POU6F2: variants seen among roughly 807,000 people sequenced by gnomAD.
POU6F2 encodes the protein POU domain, class 6, transcription factor 2.
Under a neutral mutation model 71.3 loss-of-function variants are expected in POU6F2, and 31 were observed. The observed-to-expected ratio is 0.43, with a 90% CI of 0.33 to 0.59. The LOEUF (loss-of-function observed/expected upper bound fraction) is 0.59. Ranked by LOEUF, POU6F2 falls within the 20% of genes least tolerant of loss-of-function variation. The probability of loss-of-function intolerance (pLI) is 0.04; values close to 1 mark genes in which losing one functional copy is unlikely to be tolerated. For synonymous variants in POU6F2, 347 were observed against 355.7 expected, an observed-to-expected ratio of 0.98 and a Z score of 0.27; for missense variants, 783 against 856.8, an observed-to-expected ratio of 0.91 and a Z score of 1.07.
chr7:39,398,032 C>T (rs79125686), intron 5 of POU6F2, among the ~76,000 whole-genome samples: 6,720 of 151,294 alleles, frequency 0.044, 339 homozygotes, highest in African/African-American at 0.12. Flanking sequence ...TGTTGAAGCA[C>T]GTATTTTTAA....
chr7:39,353,197 G>T (rs1336703011), intron 5 of POU6F2, among the ~76,000 whole-genome samples: 1 of 152,152 alleles, frequency 6.6e-6, no homozygotes, highest in Non-Finnish European at 1.5e-5. Context: ...ATGGGCTTTG[G>T]GAAGAAATCT....
chr7:39,111,109 A>T (rs1027169754), intron 2 of POU6F2, among the ~76,000 whole-genome samples: 9 of 152,154 alleles, frequency 5.9e-5, no homozygotes, highest in African/African-American at 1.2e-4. Context: ...TGTCCCCAGG[A>T]GGCTAGCTGT....
intron 4 of POU6F2, among the ~76,000 whole-genome samples, chr7:39,236,354 T>C (rs900802454): frequency 6.6e-6 from 1 of 152,218 alleles, no homozygotes; most frequent in African/African-American, 2.4e-5. Flanking sequence ...ACCTGTCATT[T>C]TTCTCTGCTT....
chr7:39,100,939 C>T (rs909290801), intron 2 of POU6F2, among the ~76,000 whole-genome samples: 1 of 152,168 alleles, frequency 6.6e-6, no homozygotes, highest in African/African-American at 2.4e-5. Context: ...CATCTTCATT[C>T]TATGGCATGA....
intron 2 of POU6F2, among the ~76,000 whole-genome samples, chr7:39,087,614 A>G (rs993050530): frequency 6.6e-6 from 1 of 152,228 alleles, no homozygotes; most frequent in Non-Finnish European, 1.5e-5. Flanking sequence ...ACAGAAAGGT[A>G]AAAGCCATGC....
chr7:39,005,153 C>A (rs1177646150), intron 1 of POU6F2: 1 of 152,292 alleles, frequency 6.6e-6, no homozygotes, highest in Non-Finnish European at 1.5e-5. Context: ...CAGGGGGCTG[C>A]AAACCTTTCC....
At chr7:39,123,291 A>T (rs1402998264) in intron 2 of POU6F2, among the ~76,000 whole-genome samples, 1 of 152,220 alleles carries the variant, frequency 6.6e-6, no homozygotes, top group African/African-American at 2.4e-5. Flanking sequence ...TATGGCAGTG[A>T]ATACACATTC....
intron 8 of POU6F2, among the ~76,000 whole-genome samples, chr7:39,452,070 G>A (rs1027764912): frequency 6.6e-6 from 1 of 152,332 alleles, no homozygotes; most frequent in East Asian, 1.9e-4. Context: ...CACTCAGCTG[G>A]CAGGTCAAGC....
chr7:39,008,442 G>C (rs1789152842), intron 1 of POU6F2, among the ~76,000 whole-genome samples: 1 of 151,294 alleles, frequency 6.6e-6, no homozygotes, highest in Non-Finnish European at 1.5e-5. Flanking sequence ...AGATGAGTAG[G>C]TTGCGAAAAT....
Position 39,326,373 on chromosome 7 carries a change from T to G in POU6F2, c.599-13269T>G, listed in dbSNP as rs1785503388. Among the ~76,000 whole-genome samples, 3 of 152,206 alleles carry G rather than the reference T, an allele frequency of 2.0e-5. No individual in the cohort carries two copies. The South Asian group carries it at 6.2e-4, about 31-fold the overall frequency. ...TCTTCACCAATCCTCTGCCAAACTC[T>G]GTAAGGAAAGAATACTACTAGTTCT... On this transcript the variant is annotated intron_variant, in intron 4 of 9. Transcript: ENST00000518318.
rs1031993161 is a variant in POU6F2, at chr7:38,998,736, C to T, written c.105+20678C>T. Among the ~76,000 whole-genome samples, 4 of 151,080 alleles carry T rather than the reference C, an allele frequency of 2.6e-5. No individual in the cohort carries two copies. The South Asian group carries it at 6.3e-4, about 24-fold the overall frequency. Reference sequence around the variant, plus strand: ...CATGATCTCGGCTCACTGCAAGCTCCGCCTCCAAGTTCAAGCAATTCTCCT... The same window carrying T: ...CATGATCTCGGCTCACTGCAAGCTCTGCCTCCAAGTTCAAGCAATTCTCCT... On this transcript the variant is annotated intron_variant, in intron 1 of 9. Transcript: ENST00000518318.
At chr7:39,127,960 A>C (rs1010378673) in intron 2 of POU6F2, among the ~76,000 whole-genome samples, 10 of 148,176 alleles carry the variant, frequency 6.7e-5, no homozygotes. Context: ...CTCCTGCCTC[A>C]GCCTCCCAAG....
intron 2 of POU6F2, among the ~76,000 whole-genome samples, chr7:39,109,942 A>G (rs1481405993): frequency 2.0e-5 from 3 of 152,154 alleles, no homozygotes; most frequent in Non-Finnish European, 4.4e-5. Context: ...GAATTTTGTG[A>G]GCTAATTGTT....
Position 39,155,731 on chromosome 7 carries a change from T to A in POU6F2, c.278-48504T>A, listed in dbSNP as rs186746435. On this transcript the variant is annotated intron_variant, in intron 2 of 9. Coordinates refer to ENST00000518318, the MANE Select transcript of POU6F2 (RefSeq NM_001370959.1). ...TATAATTTACATTATAATTCAGTGGTCTTAATTTTTGTTCCCTAAGCTTTC... is the reference window on the plus strand; with the variant it reads ...TATAATTTACATTATAATTCAGTGGACTTAATTTTTGTTCCCTAAGCTTTC... Among the ~76,000 whole-genome samples, 471 of 152,262 alleles carry A rather than the reference T, an allele frequency of 3.1e-3. 1 individual carries two copies. Among genetic ancestry groups the A allele is most frequent in the South Asian group, 4.4e-3 (21 of 4,822 alleles).
intron 2 of POU6F2, among the ~76,000 whole-genome samples, chr7:39,146,053 T>C (rs1792616455): frequency 6.6e-6 from 1 of 152,218 alleles, no homozygotes; most frequent in Non-Finnish European, 1.5e-5. Flanking sequence ...AACACTTCTC[T>C]TGCATGGAGC....
intron 4 of POU6F2, among the ~76,000 whole-genome samples, chr7:39,239,132 G>A (rs116005031): frequency 0.014 from 2,146 of 152,192 alleles, 54 homozygotes; most frequent in African/African-American, 0.048. Flanking sequence ...GGTTGTATCT[G>A]AAGTGGAATA....
At chr7:39,452,298 T>A (rs1788680901) in intron 8 of POU6F2, among the ~76,000 whole-genome samples, 3 of 152,196 alleles carry the variant, frequency 2.0e-5, no homozygotes, top group Admixed American at 2.0e-4. Flanking sequence ...AAATAGCCTA[T>A]ATATATGTAT....
At chr7:39,383,830 A>G (rs767768819) in intron 5 of POU6F2, among the ~76,000 whole-genome samples, 2 of 152,200 alleles carry the variant, frequency 1.3e-5, no homozygotes, top group African/African-American at 2.4e-5. Flanking sequence ...GAGTTTCTAC[A>G]CCTATAAGAT....
At chr7:39,229,359 G>T (rs561220680) in intron 4 of POU6F2, among the ~76,000 whole-genome samples, 1 of 152,200 alleles carries the variant, frequency 6.6e-6, no homozygotes, top group Non-Finnish European at 1.5e-5. Context: ...GCCCTCATTA[G>T]CAATGCTCCC....
Sources: gnomAD v4.1 joint callset for allele counts (sites outside exome capture counted in the v4.1 genomes callset) on GRCh38, gnomAD v4.1.1 for gene constraint, MANE v1.5 for transcripts, NCBI Gene and HGNC (gene_info 2026-07-23, HGNC 2026-07-21) for gene names.